The following DNAI2 variants were observed in gnomAD, a reference collection of about 807,000 sequenced individuals.
DNAI2 encodes dynein, axonemal, intermediate polypeptide 2.
DNAI2 carries 63 observed loss-of-function variants against 74.7 expected under a neutral mutation model. The observed-to-expected ratio is 0.84, with a 90% confidence interval of 0.69 to 1.04. DNAI2 has a LOEUF of 1.04. DNAI2 is among the 50% of genes least tolerant of loss of function. DNAI2 has a pLI of 0.00. For missense variants in DNAI2, 688 were observed against 803.2 expected (o/e 0.86, Z 1.73); for synonymous variants, 289 against 314.9 (o/e 0.92, Z 0.87).
At position 74,284,647 on chromosome 17, in the gene DNAI2, C is replaced by T. The variant is rs543378147; in HGVS notation, c.184-393C>T. ...GAGGACGGTCTCGATCTCCTGACCT[C>T]GTGATCTGCTCGCCTCGGCCTCCCA... is the stretch of plus-strand genomic sequence containing the variant. On this transcript the variant is annotated intron_variant, in intron 2 of 13. Coordinates refer to ENST00000311014, the MANE Select transcript of DNAI2 (RefSeq NM_023036.6). 2.0e-5 allele frequency among the ~76,000 whole-genome samples: 3 copies of T among 152,236 alleles called. No homozygotes were observed. The South Asian group carries it at 6.2e-4, about 32-fold the overall frequency.
intron 1 of DNAI2, among the ~76,000 whole-genome samples, chr17:74,276,478 G>A (rs73358678): frequency 0.031 from 4,693 of 152,268 alleles, 240 homozygotes; most frequent in African/African-American, 0.11. Flanking sequence ...GCTTGGGGAA[G>A]CCCACCCTCT....
intron 8 of DNAI2, among the ~76,000 whole-genome samples, chr17:74,302,062 G>A (rs796638601): frequency 7.4e-4 from 25 of 33,912 alleles, no homozygotes; most frequent in South Asian, 2.1e-3. Flanking sequence ...AAGGAAGGAA[G>A]GAAGGAAAGA....
chr17:74,281,868 G>A lies in DNAI2; in HGVS notation c.51G>A (p.Gln17=), dbSNP rs1029295506. ...AGAAGCGCAGCGAGTTCGGGAAGCA[G>A]TGCAATTTCTCGGACCGCCAGGCCG... The part of the protein sequence containing the change: ...YVKKRSEFGK[Q]CNFSDRQAEL... Residue 17 remains glutamine, a synonymous_variant, in exon 2 of 14, where the codon CAG becomes CAA. Coordinates refer to ENST00000311014, the MANE Select transcript of DNAI2 (RefSeq NM_023036.6). 17 of 1,614,188 alleles carry A rather than the reference G, an allele frequency of 1.1e-5. No homozygotes were observed. Among genetic ancestry groups the A allele is most frequent in the Admixed American group, 3.3e-5 (2 of 60,020 alleles).
At chr17:74,282,985 G>T (rs2051482694) in intron 2 of DNAI2, among the ~76,000 whole-genome samples, 1 of 152,212 alleles carries the variant, frequency 6.6e-6, no homozygotes, top group African/African-American at 2.4e-5. Flanking sequence ...AAGCAGAATG[G>T]CCGCTATGTG....
At chr17:74,314,368 A>G in intron 13 of DNAI2, 97 bp downstream of exon 13, 1 of 1,476,506 alleles carries the variant, frequency 6.8e-7, no homozygotes, top group Non-Finnish European at 9.4e-7. Context: ...CCCAGCCCCT[A>G]CAAATCACTA....
At chr17:74,307,327 C>T (rs1194486254) in intron 9 of DNAI2, 2 of 455,884 alleles carry the variant, frequency 4.4e-6, no homozygotes. Flanking sequence ...CTGGGTCTCC[C>T]TTGTCCTCCT....
intron 6 of DNAI2, among the ~76,000 whole-genome samples, chr17:74,294,299 T>C (rs1356388093): frequency 1.4e-5 from 1 of 72,030 alleles, no homozygotes; most frequent in African/African-American, 4.2e-5. Flanking sequence ...TTATCATTTC[T>C]TTTTTTTTTT....
At chr17:74,312,653 A>G (rs1315715657) in intron 12 of DNAI2, among the ~76,000 whole-genome samples, 1 of 152,188 alleles carries the variant, frequency 6.6e-6, no homozygotes, top group East Asian at 1.9e-4. Flanking sequence ...ATGCTGGCTT[A>G]CCCAGGTTTG....
chr17:74,301,190 T>C (rs566333978), intron 8 of DNAI2, 22 bp downstream of exon 8: 1 of 1,612,344 alleles, frequency 6.2e-7, no homozygotes, highest in African/African-American at 1.3e-5. Flanking sequence ...TTGCTGTCCC[T>C]TCCCCGACTT....
chr17:74,312,350 T>A, intron 12 of DNAI2, 120 bp downstream of exon 12: 2 of 732,240 alleles, frequency 2.7e-6, no homozygotes, highest in South Asian at 3.6e-5. Context: ...ACCTGCTAGA[T>A]CTTAATTTAT....
intron 1 of DNAI2, among the ~76,000 whole-genome samples, chr17:74,276,188 C>T (rs1217524159): frequency 6.6e-6 from 1 of 152,214 alleles, no homozygotes; most frequent in African/African-American, 2.4e-5. Context: ...TTACTTTGCT[C>T]ATTCTCACTG....
chr17:74,307,138 C>T (rs1357103958), intron 9 of DNAI2: 1 of 428,168 alleles, frequency 2.3e-6, no homozygotes, highest in Non-Finnish European at 4.7e-6. Flanking sequence ...GGCCTCATAG[C>T]AAGTAGGGGG....
chr17:74,305,334 A>G lies in DNAI2; in HGVS notation c.1103A>G (p.Tyr368Cys). 3 of 1,613,966 alleles carry G rather than the reference A, an allele frequency of 1.9e-6. No homozygotes were observed. The highest frequency in any genetic ancestry group is 2.2e-5 in the South Asian group (2 of 91,060). ...TTCCCGGGCCATCATGGCCCCATCTACGCCCTCCAGAGAAACCCCTTCTAC... is the reference window on the plus strand; with the variant it reads ...TTCCCGGGCCATCATGGCCCCATCTGCGCCCTCCAGAGAAACCCCTTCTAC... The part of the protein sequence containing the change: ...CTFPGHHGPI[Y>C]ALQRNPFYPK... The change falls in exon 9 of 14, where the codon TAC (tyrosine) becomes TGC (cysteine). Residue 368 changes from tyrosine (Y) to cysteine (C), a missense_variant. Transcript: ENST00000311014.
At chr17:74,281,782 C>T (rs758022189) in intron 1 of DNAI2, 25 bp from the exon 2 acceptor site, 3 of 1,610,884 alleles carry the variant, frequency 1.9e-6, no homozygotes, top group Middle Eastern at 1.7e-4. Context: ...GGTCCCTCAC[C>T]CCACACCCTC....
chr17:74,305,670 CTTTTTT>C (rs4007906), intron 9 of DNAI2, among the ~76,000 whole-genome samples: 1 of 122,248 alleles, frequency 8.2e-6, no homozygotes, highest in African/African-American at 3.5e-5. Flanking sequence ...ATTTTATTTC[CTTTTTT>C]TTTTTTTTTT....
At chr17:74,297,603 A>G (rs1337945882) in intron 6 of DNAI2, among the ~76,000 whole-genome samples, 2 of 143,618 alleles carry the variant, frequency 1.4e-5, no homozygotes, top group Admixed American at 1.4e-4. Context: ...GCTGTTCTCA[A>G]ACTCCTGGCC....
intron 1 of DNAI2, 70 bp from the exon 2 acceptor site, chr17:74,281,737 G>C (rs753042488): frequency 2.6e-6 from 4 of 1,512,806 alleles, no homozygotes; most frequent in Non-Finnish European, 2.7e-6. Flanking sequence ...GAGCTGTCCT[G>C]GCAGGACCTG....
Position 74,309,983 on chromosome 17 carries a change from TC to T in DNAI2, c.1348-32del. On this transcript the variant is annotated intron_variant, in intron 10 of 13. Coordinates refer to ENST00000311014, the MANE Select transcript of DNAI2 (RefSeq NM_023036.6). ...AGACACACATAACTTTGCTCCTCTC[TC>T]CTCTACCTGGGTCTGCCCGGCCCCT... 5 of 1,583,012 alleles carry T rather than the reference TC, an allele frequency of 3.2e-6. No individual in the cohort carries two copies. The East Asian group carries it at 1.1e-4, about 36-fold the overall frequency.
In DNAI2 at chr17:74,300,833, T is replaced by C. The variant is rs753169829; in HGVS notation, c.865-213T>C. Among the ~76,000 whole-genome samples the C allele has an allele frequency of 1.5e-4, 23 of 152,228 alleles. No homozygotes were observed. The highest frequency in any genetic ancestry group is 5.2e-4 in the Admixed American group (8 of 15,284). On this transcript the variant is annotated intron_variant, in intron 7 of 13. Transcript: ENST00000311014. The surrounding 1 kb of genome is among the most constrained non-coding windows in gnomAD (Gnocchi z 4.5). ...GCGAGGCCTCAGCATCTGGGTTGTA[T>C]GAAGCTTGCCGGCGACTCTGATGAT...
Sources: gnomAD v4.1 joint callset for allele counts (sites outside exome capture counted in the v4.1 genomes callset) on GRCh38, gnomAD v4.1.1 for gene constraint, Gnocchi (gnomAD v3.1) non-coding constraint, MANE v1.5 for transcripts, NCBI Gene and HGNC (gene_info 2026-07-23, HGNC 2026-07-21) for gene names.